The following CLMN variants were observed in gnomAD, a reference collection of about 807,000 sequenced individuals.
CLMN encodes the protein calmin.
In CLMN, 57 loss-of-function variants were observed where a neutral mutation model predicts 92.7. That is an observed-to-expected ratio of 0.61 (90% CI 0.50 to 0.77). The LOEUF is 0.77. Ranked by LOEUF, CLMN falls within the 30% of genes least tolerant of loss-of-function variation. CLMN has a pLI of 0.00. For missense variants in CLMN, 1,158 were observed against 1,237.5 expected (o/e 0.94, Z 0.96); for synonymous variants, 466 against 470.6 (o/e 0.99, Z 0.13).
At chr14:95,223,564 TAA>T (rs1483162118) in intron 3 of CLMN, among the ~76,000 whole-genome samples, 194 bp downstream of exon 3, 2 of 152,120 alleles carry the variant, frequency 1.3e-5, no homozygotes, top group African/African-American at 4.8e-5. Flanking sequence ...ATTTATTTTC[TAA>T]AATACATTGG....
At chr14:95,215,763 C>CGAG (rs1566872564) in intron 4 of CLMN, 30 bp from the exon 5 acceptor site, 1 of 1,533,600 alleles carries the variant, frequency 6.5e-7, no homozygotes. Flanking sequence ...GAACTTAAAG[C>CGAG]GAGGTGTCCA....
chr14:95,249,758 AT>A (rs938748237), intron 1 of CLMN, among the ~76,000 whole-genome samples: 5 of 151,872 alleles, frequency 3.3e-5, no homozygotes, highest in Admixed American at 1.3e-4. Context: ...CACCCAGCTA[AT>A]TTTTTTTGTA....
chr14:95,222,763 G>A (rs980707780), intron 3 of CLMN, among the ~76,000 whole-genome samples: 7 of 152,232 alleles, frequency 4.6e-5, no homozygotes, highest in Admixed American at 6.5e-5. Flanking sequence ...TGCGGGTGCC[G>A]CTAATAGGTA....
At chr14:95,197,234 G>C (rs1423358201) in intron 9 of CLMN, among the ~76,000 whole-genome samples, 1 of 151,902 alleles carries the variant, frequency 6.6e-6, no homozygotes, top group East Asian at 1.9e-4. Context: ...GGATGACACA[G>C]TGAGACCCTG....
In CLMN at chr14:95,194,899, T is replaced by C. The variant is rs145957613; in HGVS notation, c.2709-303A>G. ...AAATCAAAGCATTTGGAGCAGGAAG[T>C]AACCCAAGCATCCTGATGTGCTGGG... On this transcript the variant is annotated intron_variant, in intron 10 of 12. Coordinates refer to ENST00000298912, the MANE Select transcript of CLMN (RefSeq NM_024734.4). The surrounding 1 kb of genome is among the most constrained non-coding windows in gnomAD (Gnocchi z 4.0). 3.3e-4 allele frequency among the ~76,000 whole-genome samples: 51 copies of C among 152,334 alleles called. No homozygotes were observed. Among genetic ancestry groups the C allele is most frequent in the African/African-American group, 1.2e-3 (49 of 41,572 alleles).
intron 1 of CLMN, among the ~76,000 whole-genome samples, chr14:95,283,870 T>G (rs558849214): frequency 6.6e-6 from 1 of 152,330 alleles, no homozygotes; most frequent in Admixed American, 6.5e-5. Flanking sequence ...AAAACCCATT[T>G]TGGGGGAAGA....
intron 1 of CLMN, among the ~76,000 whole-genome samples, chr14:95,290,434 T>C (rs952692368): frequency 1.3e-5 from 2 of 152,284 alleles, no homozygotes; most frequent in Non-Finnish European, 2.9e-5. Flanking sequence ...AGGGTCTTTA[T>C]AAGAGGAAGA....
intron 1 of CLMN, among the ~76,000 whole-genome samples, chr14:95,308,266 C>A (rs1901371732): frequency 6.6e-6 from 1 of 152,214 alleles, no homozygotes; most frequent in Admixed American, 6.5e-5. Flanking sequence ...GGCCACTGAA[C>A]AGACTGTGAT....
At chr14:95,233,062 C>G (rs887232754) in intron 1 of CLMN, among the ~76,000 whole-genome samples, 1 of 152,164 alleles carries the variant, frequency 6.6e-6, no homozygotes, top group Admixed American at 6.5e-5. Flanking sequence ...AAGGCTGTCC[C>G]GGTTTATGCT....
chr14:95,210,770 C>T lies in CLMN; in HGVS notation c.718G>A (p.Glu240Lys), dbSNP rs758677578. 6.2e-7 allele frequency: 1 copy of T among 1,606,510 alleles called. No individual in the cohort carries two copies. Among genetic ancestry groups the T allele is most frequent in the South Asian group, 1.1e-5 (1 of 90,398 alleles). The change falls in exon 7 of 13, where the codon GAA becomes AAA. Residue 240 changes from glutamate to lysine, a missense_variant. Transcript: ENST00000298912. The part of the protein sequence containing the change: ...PSLVDMKQAL[E>K]NSTRENLEKA... ...TCTAGATTTTCTCGTGTGGAATTTT[C>T]CAGGGCCTGTTTCATGTCCACCAGG...
chr14:95,279,510 G>A (rs752134869), intron 1 of CLMN, among the ~76,000 whole-genome samples: 14 of 152,194 alleles, frequency 9.2e-5, no homozygotes, highest in Non-Finnish European at 1.3e-4. Flanking sequence ...ACTGGCCAGG[G>A]CGGTGGCTCA....
intron 1 of CLMN, among the ~76,000 whole-genome samples, chr14:95,254,135 A>G (rs889950432): frequency 1.3e-5 from 2 of 152,060 alleles, no homozygotes. Context: ...GTCCCCATCT[A>G]TGTAACGGGG....
At chr14:95,200,333 C>T (rs756794246) in intron 9 of CLMN, among the ~76,000 whole-genome samples, 6 of 152,194 alleles carry the variant, frequency 3.9e-5, no homozygotes, top group African/African-American at 1.2e-4. Flanking sequence ...CTGTCTCCCG[C>T]ATTAGACACC....
intron 1 of CLMN, among the ~76,000 whole-genome samples, chr14:95,280,859 A>G (rs1041612650): frequency 1.3e-5 from 2 of 152,190 alleles, no homozygotes; most frequent in African/African-American, 4.8e-5. Flanking sequence ...ATGGTTATCT[A>G]AAATTGTTAC....
rs200105768 is a variant in CLMN at position 95,280,202 on chromosome 14, C to CA, written c.82+39508dup. 6.9e-3 allele frequency among the ~76,000 whole-genome samples: 1,043 copies of CA among 151,812 alleles called. 9 individuals are homozygous for CA. Among genetic ancestry groups the CA allele is most frequent in the African/African-American group, 0.024 (979 of 41,450 alleles). ...CTTAGACCATTGGTCTGTGCTTTAA[C>CA]AAAAAAATTCTAAAGGGTTATAAAC... is the stretch of plus-strand genomic sequence containing the variant. On this transcript the variant is annotated intron_variant, in intron 1 of 12. Transcript: ENST00000298912.
At chr14:95,287,988 A>T (rs1180258090) in intron 1 of CLMN, among the ~76,000 whole-genome samples, 1 of 152,228 alleles carries the variant, frequency 6.6e-6, no homozygotes, top group East Asian at 1.9e-4. Flanking sequence ...TCATTAGTTC[A>T]TTAGTCTGTG....
At position 95,194,363 on chromosome 14, in the gene CLMN, G is replaced by A. The variant is rs975077991; in HGVS notation, c.2769+173C>T. On this transcript the variant is annotated intron_variant, in intron 11 of 12. Coordinates refer to ENST00000298912, the MANE Select transcript of CLMN (RefSeq NM_024734.4). This position sits in a 1 kb window ranked among gnomAD's most constrained non-coding sequence, Gnocchi z 4.0. ...ATTTACATCTCTTATTGCCCAAACC[G>A]GATATCCGATCGGACTGTGCTTAAT... 32 of 1,447,488 alleles carry A rather than the reference G, an allele frequency of 2.2e-5. No individual in the cohort carries two copies. Among genetic ancestry groups the A allele is most frequent in the Admixed American group, 2.7e-5 (1 of 36,768 alleles). 89.7% of individuals were successfully genotyped at this position (1,447,488 alleles called of 1,614,324 possible).
chr14:95,265,882 A>G (rs76015670), intron 1 of CLMN, among the ~76,000 whole-genome samples: 13,782 of 152,240 alleles, frequency 0.091, 635 homozygotes, highest in African/African-American at 0.12. Context: ...CTATAGCAAC[A>G]GCTCCACAAC....
In CLMN at chr14:95,202,936, C is replaced by T. The variant is rs774407685; in HGVS notation, c.2413G>A (p.Val805Met). 5.0e-6 allele frequency: 8 copies of T among 1,613,190 alleles called. No homozygotes were observed. Among genetic ancestry groups the T allele is most frequent in the Middle Eastern group, 3.3e-4 (2 of 6,052 alleles). ...DQVLYLSRGG[V>M]GTTPASEPAP... ...GGTTCTGAGGCTGGTGTGGTACCCA[C>T]ACCACCCCTGCTGAGATACAGCACC... Residue 805 changes from valine (V) to methionine (M), a missense_variant, in exon 9 of 13, where the codon GTG becomes ATG. Val to Met is a conservative substitution (Grantham distance 21). Transcript: ENST00000298912.
Sources: allele counts gnomAD v4.1 joint callset (sites outside exome capture counted in the v4.1 genomes callset), GRCh38; gene constraint gnomAD v4.1.1; non-coding constraint Gnocchi (gnomAD v3.1); transcripts MANE v1.5; gene names NCBI Gene and HGNC (gene_info 2026-07-23, HGNC 2026-07-21).